The following GRID2 variants were observed in gnomAD, a reference collection of about 807,000 sequenced individuals.
GRID2 encodes glutamate ionotropic receptor delta type subunit 2.
GRID2 carries 33 observed loss-of-function variants against 114.8 expected under a neutral mutation model. The observed-to-expected ratio is 0.29, with a 90% CI of 0.22 to 0.38. GRID2 has a LOEUF of 0.38. Among genes scored for constraint, GRID2 ranks in the 10% least tolerant of loss-of-function variants. The pLI is 1.00. For missense variants in GRID2, 1,184 were observed against 1,257.7 expected (o/e 0.94, Z 0.89); for synonymous variants, 505 against 449.9 (o/e 1.12, Z -1.55).
At chr4:92,321,308 G>T (rs1726301244) in intron 1 of GRID2, among the ~76,000 whole-genome samples, 2 of 152,188 alleles carry the variant, frequency 1.3e-5, no homozygotes, top group African/African-American at 2.4e-5. Flanking sequence ...GATAAGAAAA[G>T]ACATTTGCAA....
intron 8 of GRID2, chr4:93,319,745 G>A (rs1301636494): frequency 2.0e-5 from 3 of 152,118 alleles, no homozygotes; most frequent in Non-Finnish European, 4.4e-5. Context: ...AAAGGCGCTA[G>A]GAGAGCCAGA....
At chr4:92,364,760 T>C (rs1435054031) in intron 1 of GRID2, among the ~76,000 whole-genome samples, 2 of 152,026 alleles carry the variant, frequency 1.3e-5, no homozygotes, top group African/African-American at 4.8e-5. Context: ...CGTCTGGATT[T>C]CTGCCATAGG....
chr4:93,277,742 C>T (rs1752209876), intron 8 of GRID2, among the ~76,000 whole-genome samples: 1 of 151,922 alleles, frequency 6.6e-6, no homozygotes, highest in Admixed American at 6.6e-5. Context: ...CCACTTCACC[C>T]CTTTCACACA....
chr4:93,376,301 G>T (rs893990280), intron 8 of GRID2, among the ~76,000 whole-genome samples: 3 of 152,128 alleles, frequency 2.0e-5, no homozygotes, highest in East Asian at 1.9e-4. Flanking sequence ...GCTGTTTAAA[G>T]TATACAACAC....
intron 2 of GRID2, among the ~76,000 whole-genome samples, chr4:92,847,566 T>C (rs1743421480): frequency 6.6e-6 from 1 of 152,084 alleles, no homozygotes; most frequent in Admixed American, 6.6e-5. Flanking sequence ...ATGTCTATTT[T>C]GATAACATAA....
At chr4:92,322,046 A>G (rs563609396) in intron 1 of GRID2, among the ~76,000 whole-genome samples, 2 of 152,268 alleles carry the variant, frequency 1.3e-5, no homozygotes, top group South Asian at 2.1e-4. Context: ...ATGTACTGCT[A>G]ATCAGGGTCC....
intron 1 of GRID2, among the ~76,000 whole-genome samples, chr4:92,481,060 A>T (rs1378306320): frequency 6.6e-6 from 1 of 152,114 alleles, no homozygotes; most frequent in Non-Finnish European, 1.5e-5. Flanking sequence ...TCACCTCTCA[A>T]TAGAGTTAAA....
At chr4:92,744,758 C>T (rs1243127083) in intron 2 of GRID2, among the ~76,000 whole-genome samples, 1 of 152,042 alleles carries the variant, frequency 6.6e-6, no homozygotes, top group African/African-American at 2.4e-5. Flanking sequence ...TTTCTGAATA[C>T]AAAGCAAATA....
At chr4:93,339,882 A>T (rs372532892) in intron 8 of GRID2, among the ~76,000 whole-genome samples, 1 of 149,320 alleles carries the variant, frequency 6.7e-6, no homozygotes, top group Non-Finnish European at 1.5e-5. Flanking sequence ...GGGGGAAAAA[A>T]CCCTTATAAA....
chr4:92,959,839 C>T (rs1341495511), intron 2 of GRID2, among the ~76,000 whole-genome samples: 1 of 151,938 alleles, frequency 6.6e-6, no homozygotes, highest in Non-Finnish European at 1.5e-5. Flanking sequence ...GAACATCTCA[C>T]ACTGGGGCCT....
At chr4:92,668,853 A>T (rs918352886) in intron 2 of GRID2, among the ~76,000 whole-genome samples, 1 of 151,912 alleles carries the variant, frequency 6.6e-6, no homozygotes, top group Non-Finnish European at 1.5e-5. Flanking sequence ...TATAATTAAC[A>T]TATTTACTAG....
At chr4:92,576,466 G>C (rs1727898877) in intron 1 of GRID2, among the ~76,000 whole-genome samples, 1 of 152,178 alleles carries the variant, frequency 6.6e-6, no homozygotes, top group South Asian at 2.1e-4. Flanking sequence ...TGCTATGGAA[G>C]TTGGGCCTGA....
At chr4:92,445,002 G>A (rs910918030) in intron 1 of GRID2, among the ~76,000 whole-genome samples, 4 of 152,038 alleles carry the variant, frequency 2.6e-5, no homozygotes, top group African/African-American at 7.3e-5. Flanking sequence ...AAAGGATTTT[G>A]GGTATTAGGC....
intron 8 of GRID2, among the ~76,000 whole-genome samples, chr4:93,245,680 G>A (rs1748127827): frequency 6.6e-6 from 1 of 152,134 alleles, no homozygotes; most frequent in Non-Finnish European, 1.5e-5. Flanking sequence ...TTGAAATTCT[G>A]CCTCTGTCAC....
chr4:92,394,407 C>T (rs888023490), intron 1 of GRID2, among the ~76,000 whole-genome samples: 4 of 151,988 alleles, frequency 2.6e-5, no homozygotes, highest in Non-Finnish European at 5.9e-5. Context: ...TTAATTCCAA[C>T]AACTAATATC....
intron 5 of GRID2, among the ~76,000 whole-genome samples, chr4:93,211,416 C>G (rs1199064706): frequency 6.6e-6 from 1 of 152,042 alleles, no homozygotes; most frequent in East Asian, 1.9e-4. Context: ...TAAAATATTA[C>G]AAATGAAAAT....
chr4:92,912,227 T>G (rs944512438), intron 2 of GRID2, among the ~76,000 whole-genome samples: 2 of 151,906 alleles, frequency 1.3e-5, no homozygotes, highest in Non-Finnish European at 2.9e-5. Flanking sequence ...TATGAGCTTT[T>G]AACTTCGTAA....
chr4:92,658,374 A>G (rs1732348879), intron 2 of GRID2, among the ~76,000 whole-genome samples: 1 of 151,826 alleles, frequency 6.6e-6, no homozygotes, highest in African/African-American at 2.4e-5. Context: ...TCAGAAAGAA[A>G]TGTTCAGAGA....
rs1269828506 is a variant in GRID2 at position 92,377,867 on chromosome 4, A to T, written c.88+73123A>T. 2.6e-5 allele frequency among the ~76,000 whole-genome samples: 4 copies of T among 152,198 alleles called. No individual in the cohort carries two copies. The East Asian group carries it at 7.8e-4, about 29-fold the overall frequency. On this transcript the variant is annotated intron_variant, in intron 1 of 15. Coordinates refer to ENST00000282020, the MANE Select transcript of GRID2 (RefSeq NM_001510.4). Reference sequence around the variant, plus strand: ...TTTCCCTGTGATTCAGTTGCTTCCCACCAGGTCCCTTCCACAACATGTGTG... The same window carrying T: ...TTTCCCTGTGATTCAGTTGCTTCCCTCCAGGTCCCTTCCACAACATGTGTG...
Sources: allele counts gnomAD v4.1 joint callset (sites outside exome capture counted in the v4.1 genomes callset), GRCh38; gene constraint gnomAD v4.1.1; transcripts MANE v1.5; gene names NCBI Gene and HGNC (gene_info 2026-07-23, HGNC 2026-07-21).